The following TUT1 variants were observed in gnomAD, a reference collection of about 807,000 sequenced individuals.
TUT1 encodes the protein speckle targeted PIP5K1A-regulated poly(A) polymerase.
TUT1 carries 26 observed loss-of-function variants against 48.8 expected under a neutral mutation model. The observed-to-expected ratio is 0.53, with a 90% CI of 0.39 to 0.74. The LOEUF (loss-of-function observed/expected upper bound fraction) is 0.74, where lower values mean the gene tolerates loss of function less well. TUT1 is among the 30% of genes least tolerant of loss of function. TUT1 has a pLI of 0.00. For missense variants in TUT1, 1,065 were observed against 1,114.8 expected, an observed-to-expected ratio of 0.96 and a Z score of 0.64; for synonymous variants, 470 against 460.8, an observed-to-expected ratio of 1.02 and a Z score of -0.26.
chr11:62,575,914 G>C lies in TUT1; in HGVS notation c.1805C>G (p.Ser602Cys), dbSNP rs566117891. ...LPLLQPSSPS[S>C]LLSATPIPLP... ...AGGGATCGGCGTAGCAGAGAGCAGG[G>C]AGCTGGGGGAGCTGGGCTGCAGAAG... The change falls in exon 9 of 9, where the codon TCC becomes TGC. Residue 602 changes from serine (S) to cysteine (C), a missense_variant. By Grantham distance (112) the Ser-to-Cys change is moderately radical (BLOSUM62 -1). Coordinates refer to ENST00000476907, the MANE Select transcript of TUT1 (RefSeq NM_022830.3). The C allele has an allele frequency of 1.7e-5, 28 of 1,614,134 alleles. No individual in the cohort carries two copies. Among genetic ancestry groups the C allele is most frequent in the Admixed American group, 1.3e-4 (8 of 60,028 alleles).
rs768124743 is a variant in TUT1 at position 62,581,712 on chromosome 11, A to G, written c.274-11T>C. On this transcript the variant is annotated splice_polypyrimidine_tract_variant and intron_variant, in intron 2 of 8. Coordinates refer to ENST00000476907, the MANE Select transcript of TUT1 (RefSeq NM_022830.3). ...AATGGCAAACACTCCCTGGTAAACA[A>G]CAGGGGCAGAGATGATGATTTTGGA... is the stretch of plus-strand genomic sequence containing the variant. 85 of 1,430,398 alleles carry G rather than the reference A, an allele frequency of 5.9e-5. No individual in the cohort carries two copies. The highest frequency in any genetic ancestry group is 7.3e-5 in the Non-Finnish European group (79 of 1,088,580). The allele number at this position is 1,430,398 out of a possible 1,614,324, so 88.6% of individuals were successfully genotyped here. A position where few individuals can be genotyped will look rare whatever the true frequency, so the allele number is the denominator to read the frequency against.
Position 62,581,258 on chromosome 11 carries a change from G to A in TUT1, c.590-52C>T, listed in dbSNP as rs528891057. Reference sequence around the variant, plus strand: ...CAAGAGAAGTTAGGGAGGAGCAGGGGGAAGAACAAAACAGAGCACAAAGAT... The same window carrying A: ...CAAGAGAAGTTAGGGAGGAGCAGGGAGAAGAACAAAACAGAGCACAAAGAT... On this transcript the variant is annotated intron_variant, in intron 3 of 8. Transcript: ENST00000476907. The A allele has an allele frequency of 5.5e-5, 87 of 1,590,864 alleles. 1 individual carries two copies. In the African/African-American group the frequency reaches 1.1e-3, roughly 21 times the overall value.
In TUT1 at chr11:62,578,898, C is replaced by A; in HGVS notation, c.823G>T (p.Ala275Ser). 5 of 1,597,392 alleles carry A rather than the reference C, an allele frequency of 3.1e-6. No individual in the cohort carries two copies. The highest frequency in any genetic ancestry group is 3.4e-6 in the Non-Finnish European group (4 of 1,171,288). Residue 275 changes from alanine (A) to serine (S), a missense_variant, in exon 5 of 9, where the codon GCC (alanine) becomes TCC (serine). Ala to Ser is a moderately conservative substitution (Grantham distance 99). Transcript: ENST00000476907. ...QPPASPQDSE[A>S]LDFETPSSSL... ...GAGGAAGGGGTTTCAAAGTCCAGGG[C>A]TTCAGAATCCTGGGGAGAAGCAGGA...
In TUT1 at chr11:62,577,443, T is replaced by C. The variant is rs984696134; in HGVS notation, c.1161-152A>G. 15 of 650,610 alleles carry C rather than the reference T, an allele frequency of 2.3e-5. No homozygotes were observed. The Admixed American group carries it at 3.0e-4, about 13-fold the overall frequency. 40.3% of individuals were successfully genotyped at this position (650,610 alleles called of 1,614,324 possible). A position where few individuals can be genotyped will look rare whatever the true frequency, so the allele number is the denominator to read the frequency against. ...TGCTCACTGATCTTGTGAGACAGTG[T>C]GCGAAAGGACAAAGGAGTTCGGGAA... is the stretch of plus-strand genomic sequence containing the variant. On this transcript the variant is annotated intron_variant, in intron 5 of 8. Coordinates refer to ENST00000476907, the MANE Select transcript of TUT1 (RefSeq NM_022830.3).
chr11:62,578,887 A>G lies in TUT1; in HGVS notation c.834T>C (p.Phe278=), dbSNP rs1202493558. 1.2e-6 allele frequency: 2 copies of G among 1,607,230 alleles called. No homozygotes were observed. The highest frequency in any genetic ancestry group is 1.7e-6 in the Non-Finnish European group (2 of 1,176,246). Residue 278 remains phenylalanine (F), a synonymous_variant, in exon 5 of 9, where the codon TTT becomes TTC. Coordinates refer to ENST00000476907, the MANE Select transcript of TUT1 (RefSeq NM_022830.3). ...GCGCCAGGGAGGAGGAAGGGGTTTC[A>G]AAGTCCAGGGCTTCAGAATCCTGGG... The part of the protein sequence containing the change: ...ASPQDSEALD[F]ETPSSSLAPQ...
rs781695030 is a variant in TUT1 at position 62,578,777 on chromosome 11, C to G, written c.944G>C (p.Arg315Thr). 127 of 1,614,054 alleles carry G rather than the reference C, an allele frequency of 7.9e-5. 2 individuals are homozygous for G. The highest frequency in any genetic ancestry group is 9.9e-5 in the Non-Finnish European group (117 of 1,180,046). The change falls in exon 5 of 9, where the codon AGG (arginine) becomes ACG (threonine). Residue 315 changes from arginine to threonine, a missense_variant. Arg to Thr is a moderately conservative substitution (Grantham distance 71). Transcript: ENST00000476907. ...GGCCTTCCCCAGGTCCCCCTCTTCC[C>G]TGTCCTCTAGCAGTGGTGAAGCTGG... is the stretch of plus-strand genomic sequence containing the variant. ...LPPASPLLED[R>T]EEGDLGKASE...
Position 62,575,292 on chromosome 11 carries a change from C to T in TUT1, c.2427G>A (p.Gln809=). 1.2e-6 allele frequency: 2 copies of T among 1,614,184 alleles called. No homozygotes were observed. The part of the protein sequence containing the change: ...TRAGWLATEA[Q]VTQELKGLSG... ...TCAGTCCTTTCAGCTCCTGGGTGAC[C>T]TGAGCCTCAGTCGCCAGCCACCCTG... is the stretch of plus-strand genomic sequence containing the variant. Residue 809 remains glutamine, a synonymous_variant, in exon 9 of 9, where the codon CAG becomes CAA. Transcript: ENST00000476907.
intron 4 of TUT1, among the ~76,000 whole-genome samples, chr11:62,579,279 G>A (rs761532744): frequency 1.3e-4 from 20 of 152,174 alleles, no homozygotes; most frequent in South Asian, 1.0e-3. Flanking sequence ...ACAGACGAAA[G>A]AGAAACTGTA....
chr11:62,590,636 CAAAAAAA>C (rs533721845), intron 1 of TUT1, among the ~76,000 whole-genome samples: 6 of 66,406 alleles, frequency 9.0e-5, no homozygotes, highest in South Asian at 4.5e-4. Context: ...GACTCTGTCT[CAAAAAAA>C]AAAAAAAAAG....
At chr11:62,585,771 C>G (rs1343407236) in intron 2 of TUT1, among the ~76,000 whole-genome samples, 2 of 152,186 alleles carry the variant, frequency 1.3e-5, no homozygotes, top group African/African-American at 4.8e-5. Flanking sequence ...TGCACTCCAG[C>G]CTGGGAGACA....
intron 8 of TUT1, 57 bp from the exon 9 acceptor site, chr11:62,576,301 A>C: frequency 6.8e-7 from 1 of 1,463,524 alleles, no homozygotes; most frequent in Non-Finnish European, 9.0e-7. Flanking sequence ...GAACTGATAC[A>C]GGTCCTGCAC....
At chr11:62,582,063 A>C (rs1590720086) in intron 2 of TUT1, among the ~76,000 whole-genome samples, 2 of 151,698 alleles carry the variant, frequency 1.3e-5, no homozygotes, top group South Asian at 4.2e-4. Flanking sequence ...GCTTACTGCA[A>C]CCTCTGCCTC....
At position 62,575,792 on chromosome 11, in the gene TUT1, G is replaced by A. The variant is rs761919342; in HGVS notation, c.1927C>T (p.Arg643Trp). The change falls in exon 9 of 9, where the codon CGG (arginine) becomes TGG (tryptophan). Residue 643 changes from arginine (R) to tryptophan (W), a missense_variant. Coordinates refer to ENST00000476907, the MANE Select transcript of TUT1 (RefSeq NM_022830.3). ...TCCCCAGTTCCACCTCCTTCTGACC[G>A]CGTTCTCTTGGTTGCCTGTTCTATA... ...CHIEQATKRT[R>W]SEGGGTGESS... 23 of 1,614,014 alleles carry A rather than the reference G, an allele frequency of 1.4e-5. No homozygotes were observed. Among genetic ancestry groups the A allele is most frequent in the Admixed American group, 3.3e-5 (2 of 59,984 alleles).
chr11:62,590,906 T>A (rs1326904802), intron 1 of TUT1, among the ~76,000 whole-genome samples: 1 of 152,202 alleles, frequency 6.6e-6, no homozygotes, highest in Non-Finnish European at 1.5e-5. Context: ...CTTCTGTCTC[T>A]TCCTCACTGG....
intron 2 of TUT1, among the ~76,000 whole-genome samples, chr11:62,585,357 C>T (rs1226988665): frequency 5.3e-5 from 8 of 152,166 alleles, no homozygotes; most frequent in African/African-American, 1.9e-4. Flanking sequence ...CTACTTGGAC[C>T]TGCCCAGGCC....
chr11:62,580,544 G>A (rs1481965220), intron 4 of TUT1, among the ~76,000 whole-genome samples: 3 of 148,030 alleles, frequency 2.0e-5, no homozygotes, highest in Admixed American at 1.3e-4. Context: ...AGATCATATT[G>A]CACACACCAT....
intron 2 of TUT1, among the ~76,000 whole-genome samples, chr11:62,584,440 CTT>C (rs35237248): frequency 2.0e-4 from 26 of 130,012 alleles, no homozygotes; most frequent in South Asian, 2.5e-4. Flanking sequence ...AAATTGTATA[CTT>C]TTTTTTTTTT....
Position 62,578,844 on chromosome 11 carries a change from C to A in TUT1, c.877G>T (p.Ala293Ser), listed in dbSNP as rs1941776181. 6.2e-7 allele frequency: 1 copy of A among 1,613,690 alleles called. No individual in the cohort carries two copies. Among genetic ancestry groups the A allele is most frequent in the African/African-American group, 1.3e-5 (1 of 74,898 alleles). Reference sequence around the variant, plus strand: ...GAAGCAAGGGTCTCGGAGGCCAAGGCAGAGTCCGGAGTTTGGGGCGCCAGG... The same window carrying A: ...GAAGCAAGGGTCTCGGAGGCCAAGGAAGAGTCCGGAGTTTGGGGCGCCAGG... ...SSLAPQTPDSALASETLASPQ... is the reference protein window; with the variant it reads ...SSLAPQTPDSSLASETLASPQ... The change falls in exon 5 of 9, where the codon GCC becomes TCC. Residue 293 changes from alanine (A) to serine (S), a missense_variant. Transcript: ENST00000476907.
chr11:62,577,212 G>T lies in TUT1; in HGVS notation c.1240C>A (p.Arg414Ser). ...AGCCCCCGACCCTGAGCCCAGCAGCGGAGGGTGTACACGAGGGGCCGGACT... is the reference window on the plus strand; with the variant it reads ...AGCCCCCGACCCTGAGCCCAGCAGCTGAGGGTGTACACGAGGGGCCGGACT... ...GRVRPLVYTL[R>S]CWAQGRGLSG... The change falls in exon 6 of 9, where the codon CGC (arginine) becomes AGC (serine). Residue 414 changes from arginine to serine, a missense_variant. Transcript: ENST00000476907. 1 of 1,610,544 alleles carries T rather than the reference G, an allele frequency of 6.2e-7. No individual in the cohort carries two copies. The highest frequency in any genetic ancestry group is 2.2e-5 in the East Asian group (1 of 44,866).
Sources: gnomAD v4.1 joint callset for allele counts (sites outside exome capture counted in the v4.1 genomes callset) on GRCh38, gnomAD v4.1.1 for gene constraint, MANE v1.5 for transcripts, NCBI Gene and HGNC (gene_info 2026-07-23, HGNC 2026-07-21) for gene names.